The following ARHGAP19 variants were observed in gnomAD, a reference collection of about 807,000 sequenced individuals.
The protein encoded by ARHGAP19 is rho GTPase-activating protein 19.
Under a neutral mutation model 60.9 loss-of-function variants are expected in ARHGAP19, and 48 were observed. The ratio of observed to expected loss-of-function variants is 0.79; its 90% CI spans 0.62 to 1.00. ARHGAP19 has a LOEUF of 1.00. Ranked by LOEUF, ARHGAP19 falls within the 50% of genes least tolerant of loss-of-function variation. The probability of loss-of-function intolerance (pLI) is 0.00; values close to 1 mark genes in which losing one functional copy is unlikely to be tolerated. For synonymous variants in ARHGAP19, 209 were observed against 215.5 expected, an observed-to-expected ratio of 0.97 and a Z score of 0.27; for missense variants, 562 against 597.2, an observed-to-expected ratio of 0.94 and a Z score of 0.61.
intron 6 of ARHGAP19, among the ~76,000 whole-genome samples, chr10:97,253,834 G>T (rs1842721324): frequency 6.6e-6 from 1 of 152,056 alleles, no homozygotes; most frequent in African/African-American, 2.4e-5. Flanking sequence ...TCCACTATAA[G>T]AATAAATCTA....
chr10:97,289,357 G>C (rs1843199616), intron 1 of ARHGAP19, among the ~76,000 whole-genome samples: 1 of 151,440 alleles, frequency 6.6e-6, no homozygotes, highest in Admixed American at 6.6e-5. Flanking sequence ...CTCAGGTGAT[G>C]CACCCGCCTC....
intron 7 of ARHGAP19, 57 bp from the exon 8 acceptor site, chr10:97,244,216 G>T: frequency 6.9e-7 from 1 of 1,448,718 alleles, no homozygotes. Context: ...TTGTTTTGGG[G>T]TTCTTACAAA....
At chr10:97,241,295 A>G (rs1842477158) in intron 8 of ARHGAP19, among the ~76,000 whole-genome samples, 1 of 152,114 alleles carries the variant, frequency 6.6e-6, no homozygotes, top group Admixed American at 6.5e-5. Context: ...ACTATACTCA[A>G]ATATGATCTT....
At chr10:97,270,567 A>T (rs1216292895) in intron 1 of ARHGAP19, 7 of 1,515,538 alleles carry the variant, frequency 4.6e-6, no homozygotes, top group Non-Finnish European at 5.4e-6. Context: ...AAAACAAACG[A>T]AATATACTAA....
intron 1 of ARHGAP19, among the ~76,000 whole-genome samples, chr10:97,290,183 C>A (rs970086991): frequency 6.6e-6 from 1 of 152,172 alleles, no homozygotes; most frequent in African/African-American, 2.4e-5. Flanking sequence ...CTCTTCTGGT[C>A]TATGTTTGTT....
chr10:97,232,749 G>A (rs967151276), intron 9 of ARHGAP19, among the ~76,000 whole-genome samples: 1 of 151,640 alleles, frequency 6.6e-6, no homozygotes, highest in African/African-American at 2.4e-5. Context: ...AATGCTAACA[G>A]CTGTACCTCA....
chr10:97,252,406 A>C (rs1842696338), intron 6 of ARHGAP19, among the ~76,000 whole-genome samples: 1 of 151,554 alleles, frequency 6.6e-6, no homozygotes, highest in Non-Finnish European at 1.5e-5. Context: ...GCGGATCATG[A>C]GGTCAGGAGA....
At position 97,225,457 on chromosome 10, in the gene ARHGAP19, C is replaced by A. The variant is rs1589439680; in HGVS notation, c.*665G>T. 2 of 152,072 alleles carry A rather than the reference C, an allele frequency of 1.3e-5. 1 individual carries two copies. Among genetic ancestry groups the A allele is most frequent in the South Asian group, 4.1e-4 (2 of 4,824 alleles). 9.4% of individuals were successfully genotyped at this position (152,072 alleles called of 1,614,324 possible). ...CATTCTGAATTCTCCTTTTTCAATA[C>A]TGCAGGTCAAATACTCTGATGTCAC... On this transcript the variant is annotated 3_prime_UTR_variant, in exon 12 of 12. Transcript: ENST00000358531.
chr10:97,247,440 T>C (rs59689682), intron 6 of ARHGAP19, among the ~76,000 whole-genome samples: 7,281 of 152,294 alleles, frequency 0.048, 292 homozygotes, highest in African/African-American at 0.11. Flanking sequence ...TTGTAACATC[T>C]AATAAAATTA....
Position 97,249,307 on chromosome 10 carries a change from C to A in ARHGAP19, c.928-2970G>T, listed in dbSNP as rs144817442. The stretch of plus-strand genomic sequence containing the variant: ...TAACCGCAAAGGGGAAAAAAATTTA[C>A]CTTTGTAACTGAAAGATCTGGCAGT... On this transcript the variant is annotated intron_variant, in intron 6 of 11. Coordinates refer to ENST00000358531, the MANE Select transcript of ARHGAP19 (RefSeq NM_032900.6). 1.6e-4 allele frequency among the ~76,000 whole-genome samples: 25 copies of A among 152,304 alleles called. No individual in the cohort carries two copies. In the East Asian group the frequency reaches 4.2e-3, roughly 26 times the overall value.
At chr10:97,258,317 G>A (rs1263085900) in intron 5 of ARHGAP19, among the ~76,000 whole-genome samples, 3 of 152,182 alleles carry the variant, frequency 2.0e-5, no homozygotes, top group Non-Finnish European at 4.4e-5. Flanking sequence ...CCTGAGGTCA[G>A]CAGTTCGAGA....
rs1445824833 is a variant in ARHGAP19, at chr10:97,223,575, T to A, written c.*2547A>T. ...CATCACAGGTGACCCCAGAAAGAAA[T>A]GAAGTTGTAAAAGCCACAAGAAGAG... On this transcript the variant is annotated 3_prime_UTR_variant, in exon 12 of 12. Coordinates refer to ENST00000358531, the MANE Select transcript of ARHGAP19 (RefSeq NM_032900.6). 6.6e-6 allele frequency: 1 copy of A among 151,980 alleles called. No homozygotes were observed. Among genetic ancestry groups the A allele is most frequent in the Non-Finnish European group, 1.5e-5 (1 of 68,008 alleles). The allele number at this position is 151,980 out of a possible 1,614,324, so 9.4% of individuals were successfully genotyped here.
Position 97,249,772 on chromosome 10 carries a change from T to C in ARHGAP19, c.928-3435A>G, listed in dbSNP as rs374987015. On this transcript the variant is annotated intron_variant, in intron 6 of 11. Coordinates refer to ENST00000358531, the MANE Select transcript of ARHGAP19 (RefSeq NM_032900.6). ...TGATAAGAAATTCTTTTTAGTTTCT[T>C]AGATGTGATAATAGTAGTGTGATTC... is the stretch of plus-strand genomic sequence containing the variant. 2.1e-4 allele frequency among the ~76,000 whole-genome samples: 32 copies of C among 151,922 alleles called. No individual in the cohort carries two copies. The East Asian group carries it at 5.8e-3, about 28-fold the overall frequency.
intron 6 of ARHGAP19, among the ~76,000 whole-genome samples, chr10:97,249,507 T>C (rs117069206): frequency 0.013 from 1,947 of 152,222 alleles, 48 homozygotes; most frequent in South Asian, 0.095. Context: ...TGGAAGGTGA[T>C]AGAGGAACAA....
chr10:97,233,353 A>AAAATAAAC (rs1564711134), intron 9 of ARHGAP19, among the ~76,000 whole-genome samples: 1 of 150,220 alleles, frequency 6.7e-6, no homozygotes, highest in Non-Finnish European at 1.5e-5. Context: ...CCCTGTCTCA[A>AAAATAAAC]AAATAAATAA....
chr10:97,226,387 T>C (rs1260300432), intron 11 of ARHGAP19, among the ~76,000 whole-genome samples: 1 of 152,222 alleles, frequency 6.6e-6, no homozygotes, highest in East Asian at 1.9e-4. Flanking sequence ...ATGTACATTA[T>C]TTATCCTCAC....
In ARHGAP19 at chr10:97,277,802, T is replaced by C. The variant is rs1008757305; in HGVS notation, c.57-11677A>G. 1.1e-4 allele frequency: 17 copies of C among 152,244 alleles called. No individual in the cohort carries two copies. The South Asian group carries it at 1.2e-3, about 11-fold the overall frequency. The allele number at this position is 152,244 out of a possible 1,614,324, so 9.4% of individuals were successfully genotyped here. On this transcript the variant is annotated intron_variant, in intron 1 of 11. Transcript: ENST00000358531. ...TGCCAATCAATTCCACAGTGACACATAGATCCAGTGTTTCACACTCAGTGA... is the reference window on the plus strand; with the variant it reads ...TGCCAATCAATTCCACAGTGACACACAGATCCAGTGTTTCACACTCAGTGA...
intron 8 of ARHGAP19, among the ~76,000 whole-genome samples, chr10:97,235,803 T>G (rs1361407241): frequency 6.6e-6 from 1 of 152,216 alleles, no homozygotes; most frequent in Non-Finnish European, 1.5e-5. Flanking sequence ...AATGCAGACT[T>G]GTCAATGCTA....
chr10:97,257,082 C>T (rs1842764751), intron 5 of ARHGAP19, among the ~76,000 whole-genome samples: 1 of 152,076 alleles, frequency 6.6e-6, no homozygotes, highest in Admixed American at 6.6e-5. Flanking sequence ...GACCGCACCA[C>T]TGCACTCCAG....
Sources: allele counts gnomAD v4.1 joint callset (sites outside exome capture counted in the v4.1 genomes callset), GRCh38; gene constraint gnomAD v4.1.1; transcripts MANE v1.5; gene names NCBI Gene and HGNC (gene_info 2026-07-23, HGNC 2026-07-21).